DOCK3: variants seen among roughly 807,000 people sequenced by gnomAD.
The protein encoded by DOCK3 is dedicator of cytokinesis 3, also known as dedicator of cytokinesis protein 3.
Under a neutral mutation model 265.6 loss-of-function variants are expected in DOCK3, and 60 were observed. The observed-to-expected ratio is 0.23, with a 90% confidence interval of 0.18 to 0.28. The LOEUF (loss-of-function observed/expected upper bound fraction) is 0.28, where lower values mean the gene tolerates loss of function less well. Ranked by LOEUF, DOCK3 falls within the 10% of genes least tolerant of loss-of-function variation. The pLI is 1.00. For missense variants in DOCK3, 1,981 were observed against 2,594.3 expected, an observed-to-expected ratio of 0.76 and a Z score of 5.14; for synonymous variants, 881 against 938.0, an observed-to-expected ratio of 0.94 and a Z score of 1.11.
chr3:51,159,886 C>G (rs2086046941), intron 11 of DOCK3, among the ~76,000 whole-genome samples: 1 of 152,160 alleles, frequency 6.6e-6, no homozygotes, highest in African/African-American at 2.4e-5. Flanking sequence ...GAACCAAGTC[C>G]TCCTTCATAG....
intron 2 of DOCK3, among the ~76,000 whole-genome samples, chr3:50,789,970 G>A (rs2042380082): frequency 6.6e-6 from 1 of 152,198 alleles, no homozygotes; most frequent in Non-Finnish European, 1.5e-5. Flanking sequence ...TTGGCCACAA[G>A]TATCTGCCCA....
At chr3:50,888,572 A>G (rs929774205) in intron 3 of DOCK3, among the ~76,000 whole-genome samples, 3 of 152,200 alleles carry the variant, frequency 2.0e-5, no homozygotes, top group Non-Finnish European at 4.4e-5. Context: ...AAGCCGAAAG[A>G]ACAAAGCTGG....
At chr3:51,170,682 C>T (rs762621722) in intron 12 of DOCK3, among the ~76,000 whole-genome samples, 8 of 152,200 alleles carry the variant, frequency 5.3e-5, no homozygotes, top group Admixed American at 3.9e-4. Flanking sequence ...CGGTGGCTCA[C>T]GCCTGTAATC....
chr3:51,315,186 A>C, intron 32 of DOCK3, 58 bp downstream of exon 32: 3 of 1,485,954 alleles, frequency 2.0e-6, no homozygotes. Flanking sequence ...CTGCTTAGGC[A>C]GGTGGCCTAG....
intron 3 of DOCK3, among the ~76,000 whole-genome samples, chr3:50,850,130 C>T (rs1365414536): frequency 6.6e-6 from 1 of 151,718 alleles, no homozygotes; most frequent in Non-Finnish European, 1.5e-5. Context: ...CCTGTAATCC[C>T]AGCACTTTGG....
intron 5 of DOCK3, among the ~76,000 whole-genome samples, chr3:50,999,710 G>A (rs1036896495): frequency 1.3e-5 from 2 of 152,138 alleles, no homozygotes; most frequent in African/African-American, 4.8e-5. Flanking sequence ...CTTAGACTCT[G>A]CTTCCCACCT....
chr3:50,725,227 G>C (rs2037741304), intron 1 of DOCK3, among the ~76,000 whole-genome samples: 1 of 152,120 alleles, frequency 6.6e-6, no homozygotes, highest in African/African-American at 2.4e-5. Context: ...ATGACAATAA[G>C]AGCACAAATG....
At chr3:51,100,965 A>G (rs2083057821) in intron 9 of DOCK3, among the ~76,000 whole-genome samples, 1 of 149,804 alleles carries the variant, frequency 6.7e-6, no homozygotes, top group Admixed American at 6.7e-5. Context: ...TGGCTAATTA[A>G]AAAAAAATTT....
In DOCK3 at chr3:50,996,611, A is replaced by G. The variant is rs970881428; in HGVS notation, c.315+62534A>G. Among the ~76,000 whole-genome samples, 18 of 152,050 alleles carry G rather than the reference A, an allele frequency of 1.2e-4. No individual in the cohort carries two copies. In the East Asian group the frequency reaches 3.3e-3, roughly 28 times the overall value. On this transcript the variant is annotated intron_variant, in intron 5 of 52. Transcript: ENST00000266037. The stretch of plus-strand genomic sequence containing the variant: ...TCTCCATAATATACCTTGACTTTCA[A>G]TTTCTTTCTCTCTACTTCTTTTCTT...
rs1286973114 is a variant in DOCK3, at chr3:51,061,551, G to A, written c.316-2897G>A. 3.3e-5 allele frequency among the ~76,000 whole-genome samples: 5 copies of A among 151,958 alleles called. 1 individual carries two copies. Among genetic ancestry groups the A allele is most frequent in the Middle Eastern group, 3.4e-3 (1 of 294 alleles). On this transcript the variant is annotated intron_variant, in intron 5 of 52. Coordinates refer to ENST00000266037, the MANE Select transcript of DOCK3 (RefSeq NM_004947.5). ...CATAGGAAGGGGAACATCACACACC[G>A]GGGCCTGATGTGGGGTGGGGAGAGG...
intron 27 of DOCK3, among the ~76,000 whole-genome samples, chr3:51,298,047 T>C (rs2082194823): frequency 6.6e-6 from 1 of 152,150 alleles, no homozygotes; most frequent in Non-Finnish European, 1.5e-5. Flanking sequence ...TCTTTAAACA[T>C]TTCATAGATT....
chr3:51,090,390 A>G lies in DOCK3; in HGVS notation c.746+6A>G. 6.2e-7 allele frequency: 1 copy of G among 1,600,186 alleles called. No individual in the cohort carries two copies. Among genetic ancestry groups the G allele is most frequent in the Non-Finnish European group, 8.5e-7 (1 of 1,173,190 alleles). ...AGGGAAGGCAAGCAGATCAGGTGAG[A>G]GTCACTGGAAATTCTGGTGAGGTTC... On this transcript the variant is annotated splice_donor_region_variant and intron_variant, in intron 9 of 52. Coordinates refer to ENST00000266037, the MANE Select transcript of DOCK3 (RefSeq NM_004947.5).
chr3:50,707,427 ACT>A (rs2036481954), intron 1 of DOCK3, among the ~76,000 whole-genome samples: 2 of 149,674 alleles, frequency 1.3e-5, no homozygotes, highest in South Asian at 2.1e-4. Context: ...ACAGAGTGAG[ACT>A]CTGTCTAAAA....
intron 10 of DOCK3, among the ~76,000 whole-genome samples, chr3:51,153,002 A>G (rs1311305958): frequency 6.6e-6 from 1 of 152,098 alleles, no homozygotes; most frequent in Admixed American, 6.5e-5. Flanking sequence ...GAGCTCAAAC[A>G]CTGTGCAGGG....
intron 12 of DOCK3, among the ~76,000 whole-genome samples, chr3:51,189,041 C>A (rs2087783617): frequency 6.6e-6 from 1 of 152,114 alleles, no homozygotes; most frequent in South Asian, 2.1e-4. Context: ...AGTGGCTGTA[C>A]TAGTTTACAT....
At chr3:50,729,114 A>C (rs2038026788) in intron 1 of DOCK3, among the ~76,000 whole-genome samples, 1 of 146,416 alleles carries the variant, frequency 6.8e-6, no homozygotes, top group Non-Finnish European at 1.5e-5. Flanking sequence ...TGAGCTCAGG[A>C]GTTCAAGACC....
intron 5 of DOCK3, among the ~76,000 whole-genome samples, chr3:51,009,727 T>A (rs1038300034): frequency 2.0e-5 from 3 of 152,334 alleles, no homozygotes; most frequent in East Asian, 3.9e-4. Context: ...CAATTTTAGA[T>A]CTTTCCTGTT....
chr3:51,174,424 A>G (rs1471768904), intron 12 of DOCK3, among the ~76,000 whole-genome samples: 1 of 152,236 alleles, frequency 6.6e-6, no homozygotes, highest in Non-Finnish European at 1.5e-5. Flanking sequence ...AGCTGAGATC[A>G]TGCCACTCAC....
At chr3:51,011,574 C>T (rs2078951826) in intron 5 of DOCK3, among the ~76,000 whole-genome samples, 2 of 152,160 alleles carry the variant, frequency 1.3e-5, no homozygotes, top group Non-Finnish European at 1.5e-5. Context: ...TTTGAACTTC[C>T]TCCTTTAGCT....
Sources: allele counts gnomAD v4.1 joint callset (sites outside exome capture counted in the v4.1 genomes callset), GRCh38; gene constraint gnomAD v4.1.1; transcripts MANE v1.5; gene names NCBI Gene and HGNC (gene_info 2026-07-23, HGNC 2026-07-21).